Variants in TRIM37 observed in about 807,000 individuals in gnomAD.
The protein encoded by TRIM37 is tripartite motif containing 37, also known as E3 ubiquitin-protein ligase TRIM37.
In TRIM37, 80 loss-of-function variants were observed where a neutral mutation model predicts 129.8. That is an observed-to-expected ratio of 0.62 (90% CI 0.51 to 0.74). The LOEUF is 0.74. Ranked by LOEUF, TRIM37 falls within the 30% of genes least tolerant of loss-of-function variation. The pLI is 0.00. For synonymous variants in TRIM37, 389 were observed against 387.1 expected (o/e 1.00, Z -0.06); for missense variants, 1,054 against 1,176.5 (o/e 0.90, Z 1.52).
chr17:59,019,958 C>T (rs1315042641), intron 19 of TRIM37, among the ~76,000 whole-genome samples: 5 of 151,950 alleles, frequency 3.3e-5, no homozygotes, highest in Admixed American at 6.6e-5. Flanking sequence ...AGTCTGGGTG[C>T]GGTGGCTCAT....
chr17:59,007,231 C>CCACACACACACACACA (rs35675752), intron 22 of TRIM37, among the ~76,000 whole-genome samples: 2 of 97,544 alleles, frequency 2.1e-5, no homozygotes, highest in African/African-American at 8.2e-5. Context: ...CCCCACCCAC[C>CCACACACACACACACA]CACACACACA....
intron 10 of TRIM37, among the ~76,000 whole-genome samples, chr17:59,063,426 C>T (rs1320499713): frequency 6.6e-6 from 1 of 152,136 alleles, no homozygotes; most frequent in Non-Finnish European, 1.5e-5. Flanking sequence ...GATCCACCCG[C>T]CTTGGCCTCC....
intron 22 of TRIM37, 106 bp from the exon 23 acceptor site, chr17:59,001,820 T>C (rs2033818123): frequency 2.0e-6 from 3 of 1,477,546 alleles, no homozygotes; most frequent in East Asian, 2.4e-5. Context: ...GAATTTTACA[T>C]GGAATGCCAA....
At chr17:59,033,143 T>C (rs188961979) in intron 17 of TRIM37, among the ~76,000 whole-genome samples, 32 of 152,164 alleles carry the variant, frequency 2.1e-4, no homozygotes, top group Admixed American at 2.0e-3. Context: ...TTTAAAACAA[T>C]GCTACACGCA....
Position 59,001,530 on chromosome 17 carries a change from A to C in TRIM37, c.2812+68T>G, listed in dbSNP as rs148089262. On this transcript the variant is annotated intron_variant, in intron 23 of 23. Coordinates refer to ENST00000262294, the MANE Select transcript of TRIM37 (RefSeq NM_015294.6). Reference sequence around the variant, plus strand: ...GAAAAAGTAGAAGTAGCAGCAGCAGAAGAAGAAGAAAGAGAAGCGGCAGCG... The same window carrying C: ...GAAAAAGTAGAAGTAGCAGCAGCAGCAGAAGAAGAAAGAGAAGCGGCAGCG... 3.0e-3 allele frequency: 4,762 copies of C among 1,583,468 alleles called. 19 individuals are homozygous for C. The highest frequency in any genetic ancestry group is 0.012 in the African/African-American group (899 of 74,324).
At chr17:59,024,539 T>C (rs2145396182) in intron 19 of TRIM37, among the ~76,000 whole-genome samples, 1 of 152,290 alleles carries the variant, frequency 6.6e-6, no homozygotes, top group Admixed American at 6.5e-5. Flanking sequence ...TTAGTCTCTC[T>C]TTTTTTAAGA....
chr17:59,017,468 A>T, intron 19 of TRIM37, 44 bp from the exon 20 acceptor site: 1 of 1,613,334 alleles, frequency 6.2e-7, no homozygotes, highest in Non-Finnish European at 8.5e-7. Flanking sequence ...CTACTACAGC[A>T]CAAAACTCAC....
intron 19 of TRIM37, among the ~76,000 whole-genome samples, chr17:59,028,135 C>T (rs1266861709): frequency 1.3e-5 from 2 of 152,210 alleles, no homozygotes; most frequent in African/African-American, 4.8e-5. Flanking sequence ...CTTGTCTACA[C>T]TTTTTAATGT....
chr17:59,058,893 C>A (rs1325831460), intron 12 of TRIM37, among the ~76,000 whole-genome samples: 3 of 152,004 alleles, frequency 2.0e-5, no homozygotes, highest in Admixed American at 2.0e-4. Flanking sequence ...ATTGGGAAAG[C>A]CAATATATTC....
In TRIM37 at chr17:59,084,027, T is replaced by C; in HGVS notation, c.344A>G (p.His115Arg). 2.5e-6 allele frequency: 4 copies of C among 1,613,916 alleles called. No individual in the cohort carries two copies. The highest frequency in any genetic ancestry group is 3.4e-6 in the Non-Finnish European group (4 of 1,179,922). The change falls in exon 5 of 24, where the codon CAT becomes CGT. Residue 115 changes from histidine (H) to arginine (R), a missense_variant. His to Arg is a conservative substitution (Grantham distance 29, BLOSUM62 0). Transcript: ENST00000262294. ...FCWTCKKCIC[H>R]QCALWGGMHG... ...CATTCCTCCCCAAAGTGCACACTGATGGCAGATACACTTCTTACAAGTCCA... is the reference window on the plus strand; with the variant it reads ...CATTCCTCCCCAAAGTGCACACTGACGGCAGATACACTTCTTACAAGTCCA...
chr17:58,982,680 A>T, exon 25 of TRIM37: 5 of 474,872 alleles, frequency 1.1e-5, no homozygotes, highest in Middle Eastern at 5.4e-4. Context: ...TTTATTTTTT[A>T]AAATTTGGAT....
At chr17:59,086,421 T>C (rs546453130) in intron 4 of TRIM37, among the ~76,000 whole-genome samples, 2 of 152,138 alleles carry the variant, frequency 1.3e-5, no homozygotes, top group African/African-American at 2.4e-5. Context: ...GTATTTTTAA[T>C]ACAGACAGGG....
In TRIM37 at chr17:59,049,549, G is replaced by A. The variant is rs1386118952; in HGVS notation, c.1315-156C>T. 2.0e-5 allele frequency among the ~76,000 whole-genome samples: 3 copies of A among 152,210 alleles called. No homozygotes were observed. In the South Asian group the frequency reaches 6.2e-4, roughly 31 times the overall value. On this transcript the variant is annotated intron_variant, in intron 14 of 23. Transcript: ENST00000262294. ...ACTCTGTTGCCCAGGCTGAAGTGCA[G>A]TGGTGCCATCATAGCTCACTGCAAG...
chr17:58,993,636 G>T (rs527272542), downstream of TRIM37, among the ~76,000 whole-genome samples: 31 of 152,178 alleles, frequency 2.0e-4, no homozygotes, highest in Non-Finnish European at 1.2e-4. Flanking sequence ...TGTGGGGAAG[G>T]GGGGTGGTTA....
chr17:58,969,381 T>C, the TRIM37 span: 1 of 758,232 alleles, frequency 1.3e-6, no homozygotes, highest in East Asian at 2.7e-5. Flanking sequence ...TTTCAGCAGT[T>C]GATCAGGCAT....
rs1339411200 is a variant in TRIM37, at chr17:59,106,343, G to C, written c.21+98C>G. 3.4e-5 allele frequency: 48 copies of C among 1,432,066 alleles called. No homozygotes were observed. In the Admixed American group the frequency reaches 8.7e-4, roughly 26 times the overall value. The allele number at this position is 1,432,066 out of a possible 1,614,324, so 88.7% of individuals were successfully genotyped here. On this transcript the variant is annotated intron_variant, in intron 1 of 23. Transcript: ENST00000262294. ...CCACAGCGGCAGGGGCGGGGTAGGG[G>C]TGCCCTACTGGAGGGAGGACATGGG...
chr17:58,969,591 A>C, the TRIM37 span: 1 of 1,614,164 alleles, frequency 6.2e-7, no homozygotes, highest in South Asian at 1.1e-5. Context: ...GGGGGAGTAG[A>C]TGCTGCTATT....
chr17:59,009,082 C>T (rs912130203), intron 22 of TRIM37, among the ~76,000 whole-genome samples: 5 of 152,156 alleles, frequency 3.3e-5, no homozygotes, highest in Non-Finnish European at 5.9e-5. Flanking sequence ...CAGTTAAGAG[C>T]ACTGGCTCTA....
intron 17 of TRIM37, among the ~76,000 whole-genome samples, chr17:59,039,845 C>G (rs547813286): frequency 1.3e-5 from 2 of 152,050 alleles, no homozygotes; most frequent in Non-Finnish European, 2.9e-5. Context: ...TAAATATAAT[C>G]CTTAAAGAGT....
Sources: allele counts gnomAD v4.1 joint callset (sites outside exome capture counted in the v4.1 genomes callset), GRCh38; gene constraint gnomAD v4.1.1; transcripts MANE v1.5; gene names NCBI Gene and HGNC (gene_info 2026-07-23, HGNC 2026-07-21).